Variants in ERP44 observed in about 807,000 individuals in gnomAD.
ERP44 encodes the protein endoplasmic reticulum resident protein 44.
A neutral mutation model predicts 53.4 loss-of-function variants in ERP44; 25 were observed. The observed-to-expected ratio is 0.47, with a 90% confidence interval of 0.34 to 0.65. The LOEUF is 0.65. Among genes scored for constraint, ERP44 ranks in the 30% least tolerant of loss-of-function variants. The pLI is 0.01. For missense variants in ERP44, 338 were observed against 493.2 expected, an observed-to-expected ratio of 0.69 and a Z score of 2.98; for synonymous variants, 145 against 161.2, an observed-to-expected ratio of 0.90 and a Z score of 0.76.
chr9:100,075,167 G>A (rs772930655), intron 1 of ERP44, among the ~76,000 whole-genome samples: 6 of 152,180 alleles, frequency 3.9e-5, no homozygotes, highest in Non-Finnish European at 8.8e-5. Flanking sequence ...TCTCCTATCT[G>A]GCCTGTGCAG....
Position 100,014,932 on chromosome 9 carries a change from T to C in ERP44, c.762+1390A>G, listed in dbSNP as rs140523585. ...GGAGGCTGGAAATCCAAAATCAGGG[T>C]GCCAGCATGGTCAGTTCTAGTGAGA... On this transcript the variant is annotated intron_variant, in intron 8 of 11. Transcript: ENST00000262455. Among the ~76,000 whole-genome samples the C allele has an allele frequency of 6.0e-3, 918 of 152,312 alleles. 4 individuals carry two copies. Among genetic ancestry groups the C allele is most frequent in the Middle Eastern group, 0.014 (4 of 294 alleles).
At chr9:99,994,466 C>T (rs969427749) in intron 10 of ERP44, among the ~76,000 whole-genome samples, 4 of 152,060 alleles carry the variant, frequency 2.6e-5, no homozygotes, top group African/African-American at 9.7e-5. Context: ...AACACTTGGA[C>T]ATGGGGCAGG....
At chr9:100,016,853 A>C (rs1328123213) in intron 7 of ERP44, among the ~76,000 whole-genome samples, 1 of 152,238 alleles carries the variant, frequency 6.6e-6, no homozygotes, top group Non-Finnish European at 1.5e-5. Flanking sequence ...CAGGGAGCTA[A>C]TAATCTAACC....
chr9:100,097,926 T>A (rs1250766921), intron 1 of ERP44, among the ~76,000 whole-genome samples: 1 of 152,206 alleles, frequency 6.6e-6, no homozygotes, highest in Non-Finnish European at 1.5e-5. Flanking sequence ...TTAAGGTACT[T>A]TCAAATATTA....
At chr9:99,996,422 A>G (rs1290877722) in intron 10 of ERP44, among the ~76,000 whole-genome samples, 1 of 152,200 alleles carries the variant, frequency 6.6e-6, no homozygotes, top group African/African-American at 2.4e-5. Flanking sequence ...TGCAGGTGTC[A>G]TGCTTCTTGT....
chr9:100,043,114 C>T (rs968770107), intron 4 of ERP44, among the ~76,000 whole-genome samples: 7 of 151,202 alleles, frequency 4.6e-5, no homozygotes, highest in Non-Finnish European at 7.4e-5. Flanking sequence ...AAAAAATTAG[C>T]CAGGCATGGT....
intron 4 of ERP44, among the ~76,000 whole-genome samples, chr9:100,051,499 T>C (rs1308049515): frequency 2.0e-5 from 3 of 152,166 alleles, no homozygotes; most frequent in African/African-American, 7.2e-5. Flanking sequence ...GCAATAGCTT[T>C]TCGTGAGCAG....
At chr9:100,089,580 C>CAAAAA (rs71498726) in intron 1 of ERP44, among the ~76,000 whole-genome samples, 26 of 43,168 alleles carry the variant, frequency 6.0e-4, no homozygotes, top group Admixed American at 7.7e-4. Flanking sequence ...GACTCCATCT[C>CAAAAA]AAAAAAAAAA....
Position 99,981,140 on chromosome 9 carries a change from A to G in ERP44, c.*1472T>C, listed in dbSNP as rs1288062876. 1.3e-5 allele frequency: 2 copies of G among 151,918 alleles called. No homozygotes were observed. Among genetic ancestry groups the G allele is most frequent in the African/African-American group, 4.8e-5 (2 of 41,406 alleles). 9.4% of individuals were successfully genotyped at this position (151,918 alleles called of 1,614,324 possible). On this transcript the variant is annotated 3_prime_UTR_variant, in exon 12 of 12. Transcript: ENST00000262455. ...ATGAGGATAACAGAACTAAGGCCCA[A>G]CCTCTAGAAAGCTCCATCCTACTTT... is the stretch of plus-strand genomic sequence containing the variant.
intron 8 of ERP44, among the ~76,000 whole-genome samples, chr9:100,015,151 C>G (rs1005099282): frequency 1.3e-5 from 2 of 152,168 alleles, no homozygotes; most frequent in African/African-American, 4.8e-5. Flanking sequence ...AATATTAGGA[C>G]ACACAAATAT....
intron 10 of ERP44, among the ~76,000 whole-genome samples, chr9:100,000,125 G>A (rs1268620521): frequency 2.6e-5 from 4 of 152,060 alleles, no homozygotes. Flanking sequence ...GTCTGACTTT[G>A]AATGTGTTTA....
At chr9:100,033,429 C>G (rs1337943481) in intron 4 of ERP44, among the ~76,000 whole-genome samples, 2 of 152,196 alleles carry the variant, frequency 1.3e-5, no homozygotes, top group Non-Finnish European at 2.9e-5. Flanking sequence ...AAGGAATTTA[C>G]TAAACTCACA....
intron 10 of ERP44, chr9:99,999,205 C>T: frequency 2.2e-6 from 1 of 457,146 alleles, no homozygotes; most frequent in South Asian, 2.7e-5. Flanking sequence ...TCAAGGCCGT[C>T]CTCTCGATGT....
chr9:100,085,122 A>C (rs1826466169), intron 1 of ERP44, among the ~76,000 whole-genome samples: 2 of 152,236 alleles, frequency 1.3e-5, no homozygotes, highest in Admixed American at 6.5e-5. Context: ...ATTTTAAAAC[A>C]CTTTTTTATT....
At chr9:99,988,083 G>A (rs1026815641) in intron 10 of ERP44, among the ~76,000 whole-genome samples, 4 of 152,180 alleles carry the variant, frequency 2.6e-5, no homozygotes, top group Admixed American at 6.5e-5. Context: ...TAATCCACCA[G>A]CAATGTATGA....
At position 99,982,042 on chromosome 9, in the gene ERP44, T is replaced by G. The variant is rs1275199362; in HGVS notation, c.*570A>C. Reference sequence around the variant, plus strand: ...GTTCTGTCTTATGACTCTCCTCCACTTCAAAGTATGTTTAAGTTACACATT... The same window carrying G: ...GTTCTGTCTTATGACTCTCCTCCACGTCAAAGTATGTTTAAGTTACACATT... On this transcript the variant is annotated 3_prime_UTR_variant, in exon 12 of 12. Coordinates refer to ENST00000262455, the MANE Select transcript of ERP44 (RefSeq NM_015051.3). The G allele has an allele frequency of 6.6e-6, 1 of 152,624 alleles. No individual in the cohort carries two copies. Among genetic ancestry groups the G allele is most frequent in the East Asian group, 1.9e-4 (1 of 5,200 alleles). 9.5% of individuals were successfully genotyped at this position (152,624 alleles called of 1,614,324 possible).
chr9:100,082,097 A>T (rs1281445967), intron 1 of ERP44, among the ~76,000 whole-genome samples: 1 of 152,138 alleles, frequency 6.6e-6, no homozygotes, highest in Non-Finnish European at 1.5e-5. Context: ...AAACAAAAAA[A>T]TGTAAAAAAG....
chr9:100,075,135 T>TC (rs1478706284), intron 1 of ERP44, among the ~76,000 whole-genome samples: 1 of 152,190 alleles, frequency 6.6e-6, no homozygotes, highest in Non-Finnish European at 1.5e-5. Context: ...GGGTGGTGAT[T>TC]CCCAGCACAT....
chr9:100,078,905 C>T (rs936722766), intron 1 of ERP44, among the ~76,000 whole-genome samples: 23 of 152,040 alleles, frequency 1.5e-4, no homozygotes, highest in South Asian at 6.2e-4. Context: ...TCAGGTTGTG[C>T]GAAGGATAGT....
Sources: allele counts gnomAD v4.1 joint callset (sites outside exome capture counted in the v4.1 genomes callset), GRCh38; gene constraint gnomAD v4.1.1; transcripts MANE v1.5; gene names NCBI Gene and HGNC (gene_info 2026-07-23, HGNC 2026-07-21).